Variants in OXR1 observed in about 807,000 individuals in gnomAD.
OXR1 encodes oxidation resistance protein 1.
OXR1 carries 41 observed loss-of-function variants against 104.6 expected under a neutral mutation model. The observed-to-expected ratio is 0.39, with a 90% CI of 0.31 to 0.51. OXR1 has a LOEUF of 0.51. Ranked by LOEUF, OXR1 falls within the 20% of genes least tolerant of loss-of-function variation. The pLI, the probability that OXR1 is intolerant of heterozygous loss-of-function variation, is 0.77. For synonymous variants in OXR1, 348 were observed against 348.4 expected (o/e 1.00, Z 0.01); for missense variants, 955 against 1,031.9 (o/e 0.93, Z 1.02).
chr8:106,271,115 C>T (rs966992825), intron 1 of OXR1, among the ~76,000 whole-genome samples: 6 of 151,910 alleles, frequency 3.9e-5, no homozygotes, highest in Admixed American at 2.6e-4. Flanking sequence ...TGTGCAGTAT[C>T]GGGCGGAGGA....
rs776682676 is a variant in OXR1 at position 106,745,851 on chromosome 8, C to T, written c.2475C>T (p.Phe825=). 6 of 1,577,446 alleles carry T rather than the reference C, an allele frequency of 3.8e-6. No individual in the cohort carries two copies. The Admixed American group carries it at 8.4e-5, about 22-fold the overall frequency. ...AAGGAGACATGGATTCACTAGCTTT[C>T]GGTGGTGGAGGGTAAGTCTCTTGAA... ...FIKGDMDSLA[F]GGGGGEFALW... The change falls in exon 16 of 17, where the codon TTC becomes TTT. Residue 825 remains phenylalanine (F), a synonymous_variant. Coordinates refer to ENST00000517566, the MANE Select transcript of OXR1 (RefSeq NM_001198533.2).
intron 2 of OXR1, among the ~76,000 whole-genome samples, chr8:106,477,614 A>T (rs1258447062): frequency 6.6e-6 from 1 of 151,984 alleles, no homozygotes; most frequent in Non-Finnish European, 1.5e-5. Context: ...TGCATTTGTG[A>T]CATACCTTTT....
At chr8:106,726,216 A>G in intron 11 of OXR1, 1 of 1,514,316 alleles carries the variant, frequency 6.6e-7, no homozygotes, top group Non-Finnish European at 8.8e-7. Context: ...ACGTGATTTT[A>G]TGTAACTTAA....
chr8:106,497,896 T>A (rs1044774872), intron 2 of OXR1, among the ~76,000 whole-genome samples: 7 of 152,152 alleles, frequency 4.6e-5, no homozygotes, highest in African/African-American at 1.4e-4. Flanking sequence ...ATGGACATTT[T>A]AATTTCTGCC....
In OXR1 at chr8:106,706,547, A is replaced by G. The variant is rs1831161513; in HGVS notation, c.1026A>G (p.Ser342=). ...ESLSEDVFTE[S]ELSPIREELV... is the part of the protein sequence containing the mutation. Reference sequence around the variant, plus strand: ...TTTCTGAAGATGTGTTCACAGAATCAGAACTTTCCCCTATACGAGAGGAGC... The same window carrying G: ...TTTCTGAAGATGTGTTCACAGAATCGGAACTTTCCCCTATACGAGAGGAGC... The change falls in exon 9 of 17, where the codon TCA becomes TCG. Residue 342 remains serine, a synonymous_variant. Coordinates refer to ENST00000517566, the MANE Select transcript of OXR1 (RefSeq NM_001198533.2). The G allele has an allele frequency of 6.2e-7, 1 of 1,609,804 alleles. No individual in the cohort carries two copies. Among genetic ancestry groups the G allele is most frequent in the Non-Finnish European group, 8.5e-7 (1 of 1,178,964 alleles).
intron 2 of OXR1, among the ~76,000 whole-genome samples, chr8:106,396,563 A>T (rs1257163149): frequency 1.3e-5 from 2 of 152,226 alleles, no homozygotes; most frequent in South Asian, 4.1e-4. Context: ...ACTCTCACAG[A>T]CCAGAGGAGA....
At chr8:106,530,956 A>C (rs1262099301) in intron 3 of OXR1, among the ~76,000 whole-genome samples, 2 of 152,232 alleles carry the variant, frequency 1.3e-5, no homozygotes, top group Non-Finnish European at 2.9e-5. Flanking sequence ...AGAGAAATTA[A>C]TAAGTTGGTT....
chr8:106,739,837 T>C (rs546759820), intron 13 of OXR1, among the ~76,000 whole-genome samples: 1 of 133,794 alleles, frequency 7.5e-6, no homozygotes, highest in Non-Finnish European at 1.5e-5. Flanking sequence ...GATTATTTCA[T>C]GTAGTTGTTA....
intron 3 of OXR1, chr8:106,581,179 G>A: frequency 7.8e-7 from 1 of 1,277,918 alleles, no homozygotes; most frequent in African/African-American, 1.5e-5. Flanking sequence ...ACATTTGAAA[G>A]AGAACTTGAC....
intron 2 of OXR1, among the ~76,000 whole-genome samples, chr8:106,518,694 A>T (rs1353272727): frequency 1.3e-5 from 2 of 152,212 alleles, no homozygotes; most frequent in African/African-American, 4.8e-5. Context: ...AAAAAATAAA[A>T]GCTCTTTATC....
chr8:106,618,070 T>G (rs1821387493), intron 3 of OXR1: 12 of 1,534,936 alleles, frequency 7.8e-6, no homozygotes, highest in Middle Eastern at 1.7e-4. Flanking sequence ...AAATGTTATA[T>G]TACCCTGAGA....
intron 2 of OXR1, among the ~76,000 whole-genome samples, chr8:106,511,567 A>G (rs1382695088): frequency 6.6e-6 from 1 of 152,040 alleles, no homozygotes; most frequent in Admixed American, 6.6e-5. Flanking sequence ...ACACACACAC[A>G]CACACTTGTG....
At chr8:106,343,228 T>G (rs2130277518) in intron 1 of OXR1, among the ~76,000 whole-genome samples, 1 of 152,344 alleles carries the variant, frequency 6.6e-6, no homozygotes, top group Non-Finnish European at 1.5e-5. Context: ...CATTTAAACC[T>G]GATCAAGTTT....
intron 2 of OXR1, among the ~76,000 whole-genome samples, chr8:106,470,404 G>T (rs1294024646): frequency 6.7e-6 from 1 of 150,030 alleles, no homozygotes; most frequent in East Asian, 2.0e-4. Context: ...AATAAAAGAA[G>T]GAAATCAAGA....
At chr8:106,620,528 G>T (rs1563648244) in intron 3 of OXR1, among the ~76,000 whole-genome samples, 1 of 152,006 alleles carries the variant, frequency 6.6e-6, no homozygotes, top group African/African-American at 2.4e-5. Flanking sequence ...TTCCACTCTG[G>T]CTTCCTGGCA....
intron 2 of OXR1, among the ~76,000 whole-genome samples, chr8:106,405,394 A>T (rs1818195558): frequency 6.6e-6 from 1 of 151,920 alleles, no homozygotes; most frequent in Non-Finnish European, 1.5e-5. Context: ...GATAACTGGG[A>T]GCATAATCAT....
chr8:106,444,703 G>A (rs1163552930), intron 2 of OXR1, among the ~76,000 whole-genome samples: 1 of 151,946 alleles, frequency 6.6e-6, no homozygotes, highest in Admixed American at 6.6e-5. Context: ...GGGGGTGAGG[G>A]GCAGGAACTT....
intron 2 of OXR1, among the ~76,000 whole-genome samples, chr8:106,382,756 G>A (rs936251795): frequency 2.1e-5 from 3 of 140,114 alleles, no homozygotes; most frequent in Non-Finnish European, 4.5e-5. Context: ...ACTAGGCACT[G>A]TGTTAGGTGA....
chr8:106,617,312 C>T (rs927690213), intron 3 of OXR1, among the ~76,000 whole-genome samples: 1 of 152,014 alleles, frequency 6.6e-6, no homozygotes, highest in South Asian at 2.1e-4. Flanking sequence ...AGACCCAGCT[C>T]CTCAGGAGGC....
Sources: allele counts gnomAD v4.1 joint callset (sites outside exome capture counted in the v4.1 genomes callset), GRCh38; gene constraint gnomAD v4.1.1; transcripts MANE v1.5; gene names NCBI Gene and HGNC (gene_info 2026-07-23, HGNC 2026-07-21).